The following RBFOX3 variants were observed in gnomAD, a reference collection of about 807,000 sequenced individuals.
RBFOX3 encodes the protein RNA binding fox-1 homolog 3.
RBFOX3 carries 17 observed loss-of-function variants against 48.7 expected under a neutral mutation model. The ratio of observed to expected loss-of-function variants is 0.35; its 90% CI spans 0.24 to 0.52. The LOEUF (loss-of-function observed/expected upper bound fraction) is 0.52. Among genes scored for constraint, RBFOX3 ranks in the 20% least tolerant of loss-of-function variants. RBFOX3 has a pLI of 0.94. For synonymous variants in RBFOX3, 212 were observed against 209.5 expected (o/e 1.01, Z -0.10); for missense variants, 382 against 497.5 (o/e 0.77, Z 2.21).
chr17:79,533,867 G>C (rs892524017), intron 1 of RBFOX3, among the ~76,000 whole-genome samples: 3 of 152,186 alleles, frequency 2.0e-5, no homozygotes, highest in African/African-American at 7.2e-5. Flanking sequence ...CCACTAACCC[G>C]AAATAACTCC....
chr17:79,467,189 G>A (rs886296297), intron 2 of RBFOX3, among the ~76,000 whole-genome samples: 8 of 152,106 alleles, frequency 5.3e-5, no homozygotes, highest in African/African-American at 1.7e-4. Context: ...TGCTGCAGAC[G>A]GGGGGTCCTA....
intron 1 of RBFOX3, among the ~76,000 whole-genome samples, chr17:79,501,391 T>C (rs1256110520): frequency 2.6e-5 from 4 of 152,232 alleles, no homozygotes; most frequent in African/African-American, 9.6e-5. Flanking sequence ...CAGGCCCTTC[T>C]TCCTGCCTGT....
At chr17:79,280,557 GA>G (rs1012590757) in intron 3 of RBFOX3, among the ~76,000 whole-genome samples, 3 of 152,214 alleles carry the variant, frequency 2.0e-5, no homozygotes, top group Admixed American at 6.5e-5. Context: ...GAGCAACTGG[GA>G]ATGTCTTCGG....
At position 79,125,157 on chromosome 17, in the gene RBFOX3, G is replaced by A. The variant is rs546585079; in HGVS notation, c.-33-9409C>T. ...GCCTGTTGGATCCTGATGACATGAC[G>A]GTGTGGGGCGAGGGCTTCCCTAGCC... On this transcript the variant is annotated intron_variant, in intron 4 of 14. Coordinates refer to ENST00000693108, the MANE Select transcript of RBFOX3 (RefSeq NM_001350451.2). Among the ~76,000 whole-genome samples, 10 of 152,314 alleles carry A rather than the reference G, an allele frequency of 6.6e-5. No individual in the cohort carries two copies. The South Asian group carries it at 1.0e-3, about 16-fold the overall frequency.
rs1010189987 is a variant in RBFOX3 at position 79,311,165 on chromosome 17, G to T, written c.-174-3341C>A. Reference sequence around the variant, plus strand: ...ACCGCAGCACCAGCTGGGCGCAGTGGCTCACGCCTATAATCCCAGCACTTT... The same window carrying T: ...ACCGCAGCACCAGCTGGGCGCAGTGTCTCACGCCTATAATCCCAGCACTTT... On this transcript the variant is annotated intron_variant, in intron 2 of 14. Transcript: ENST00000693108. This position sits in a 1 kb window ranked among gnomAD's most constrained non-coding sequence, Gnocchi z 4.2. Among the ~76,000 whole-genome samples the T allele has an allele frequency of 3.3e-5, 5 of 152,176 alleles. No homozygotes were observed. The highest frequency in any genetic ancestry group is 1.2e-4 in the African/African-American group (5 of 41,442).
At position 79,347,598 on chromosome 17, in the gene RBFOX3, CCT is replaced by C. The variant is rs916673146; in HGVS notation, c.-174-39776_-174-39775del. Among the ~76,000 whole-genome samples the C allele has an allele frequency of 3.3e-5, 5 of 152,172 alleles. No homozygotes were observed. The East Asian group carries it at 9.6e-4, about 29-fold the overall frequency. The stretch of plus-strand genomic sequence containing the variant: ...TTCTTGGCTGATACATCAAGCTGGT[CCT>C]CCAATTCACAAATGCATTCCTCAGT... On this transcript the variant is annotated intron_variant, in intron 2 of 14. Transcript: ENST00000693108.
chr17:79,298,735 C>T (rs2074819274), intron 3 of RBFOX3, among the ~76,000 whole-genome samples: 1 of 152,332 alleles, frequency 6.6e-6, no homozygotes, highest in Admixed American at 6.5e-5. Flanking sequence ...GGGGTCCTAC[C>T]TCTTGACACT....
At chr17:79,576,949 C>A (rs2092882888) in intron 1 of RBFOX3, among the ~76,000 whole-genome samples, 1 of 152,114 alleles carries the variant, frequency 6.6e-6, no homozygotes, top group African/African-American at 2.4e-5. Flanking sequence ...TCCTGCTGTC[C>A]ACCTTTCTAT....
intron 1 of RBFOX3, among the ~76,000 whole-genome samples, chr17:79,548,044 C>A (rs2090697619): frequency 6.6e-6 from 1 of 152,236 alleles, no homozygotes; most frequent in South Asian, 2.1e-4. Context: ...CTGTCTCCAC[C>A]CATTTCCTCA....
At chr17:79,659,101 G>A in the RBFOX3 span, among the ~76,000 whole-genome samples, 13 of 152,094 alleles carry the variant, frequency 8.5e-5, no homozygotes, top group Non-Finnish European at 1.3e-4. Flanking sequence ...GTGAGTGGCC[G>A]CCTTGGTCAC....
chr17:79,527,071 T>A (rs2086895832), intron 1 of RBFOX3, among the ~76,000 whole-genome samples: 2 of 151,818 alleles, frequency 1.3e-5, no homozygotes, highest in East Asian at 3.9e-4. Flanking sequence ...TCCACCTCTG[T>A]CCTCCTGGCT....
chr17:79,540,961 G>GT (rs1209502763), intron 1 of RBFOX3, among the ~76,000 whole-genome samples: 4 of 152,088 alleles, frequency 2.6e-5, no homozygotes, highest in African/African-American at 9.7e-5. Context: ...GGCCTGGGGG[G>GT]ATCTGCAGGC....
At chr17:79,313,664 G>A (rs2377400) in intron 2 of RBFOX3, among the ~76,000 whole-genome samples, 41,746 of 152,076 alleles carry the variant, frequency 0.27, 6,151 homozygotes, top group Non-Finnish European at 0.33. Context: ...CCTGTGCTCC[G>A]TCATGGGTAC....
At chr17:79,232,694 T>G (rs999199025) in intron 4 of RBFOX3, among the ~76,000 whole-genome samples, 4 of 130,080 alleles carry the variant, frequency 3.1e-5, no homozygotes, top group African/African-American at 1.0e-4. Flanking sequence ...GAAGAAAGCA[T>G]AGGCGAAAAA....
At chr17:79,389,356 C>A (rs566066096) in intron 2 of RBFOX3, among the ~76,000 whole-genome samples, 1 of 152,328 alleles carries the variant, frequency 6.6e-6, no homozygotes, top group Non-Finnish European at 1.5e-5. Flanking sequence ...CTGGAGCACT[C>A]CTGCCCCTGG....
At chr17:79,540,026 A>G (rs2089445066) in intron 1 of RBFOX3, among the ~76,000 whole-genome samples, 1 of 152,212 alleles carries the variant, frequency 6.6e-6, no homozygotes, top group African/African-American at 2.4e-5. Flanking sequence ...AGCAGGAGGA[A>G]AAGGAAGAAA....
intron 5 of RBFOX3, among the ~76,000 whole-genome samples, chr17:79,109,837 G>A (rs1486871039): frequency 1.1e-4 from 16 of 152,202 alleles, no homozygotes; most frequent in Non-Finnish European, 2.2e-4. Flanking sequence ...AAGTCCTAAA[G>A]GGGAGCAGCC....
At chr17:79,629,864 G>T in the RBFOX3 span, among the ~76,000 whole-genome samples, 1 of 152,132 alleles carries the variant, frequency 6.6e-6, no homozygotes, top group African/African-American at 2.4e-5. Context: ...TAAATGAAAA[G>T]ATTTATAAAA....
intron 1 of RBFOX3, chr17:79,600,791 A>G (rs1336493295): frequency 6.6e-6 from 1 of 152,232 alleles, no homozygotes; most frequent in African/African-American, 2.4e-5. Flanking sequence ...TCCTCCAACC[A>G]TGCACGGCTT....
Sources: gnomAD v4.1 joint callset for allele counts (sites outside exome capture counted in the v4.1 genomes callset) on GRCh38, gnomAD v4.1.1 for gene constraint, Gnocchi (gnomAD v3.1) non-coding constraint, MANE v1.5 for transcripts, NCBI Gene and HGNC (gene_info 2026-07-23, HGNC 2026-07-21) for gene names.